The following TRAF3IP3 variants were observed in gnomAD, a reference collection of about 807,000 sequenced individuals.
The protein encoded by TRAF3IP3 is TRAF3 interacting protein 3.
Under a neutral mutation model 86.5 loss-of-function variants are expected in TRAF3IP3, and 64 were observed. The ratio of observed to expected loss-of-function variants is 0.74; its 90% confidence interval spans 0.60 to 0.91. The LOEUF (loss-of-function observed/expected upper bound fraction) is 0.91, where lower values mean the gene tolerates loss of function less well. Ranked by LOEUF, TRAF3IP3 falls within the 40% of genes least tolerant of loss-of-function variation. The pLI is 0.00. For synonymous variants in TRAF3IP3, 220 were observed against 243.9 expected, an observed-to-expected ratio of 0.90 and a Z score of 0.91; for missense variants, 579 against 642.9, an observed-to-expected ratio of 0.90 and a Z score of 1.07.
intron 3 of TRAF3IP3, 142 bp downstream of exon 3, chr1:209,760,526 T>C: frequency 1.4e-6 from 1 of 718,000 alleles, no homozygotes. Flanking sequence ...CAAGAGCTAC[T>C]TATAGTAAAG....
At chr1:209,770,780 GGT>G (rs200090853) in intron 8 of TRAF3IP3, among the ~76,000 whole-genome samples, 22,883 of 111,208 alleles carry the variant, frequency 0.21, 3,747 homozygotes, top group East Asian at 0.41. Context: ...TGCCTATGGA[GGT>G]GTGTGTGTGT....
intron 8 of TRAF3IP3, among the ~76,000 whole-genome samples, chr1:209,767,995 C>T (rs2077389922): frequency 6.6e-6 from 1 of 152,098 alleles, no homozygotes; most frequent in Admixed American, 6.5e-5. Context: ...CCCCACCAAC[C>T]CCCTAGCTTC....
chr1:209,781,559 G>A, intron 16 of TRAF3IP3, 101 bp downstream of exon 16: 1 of 805,246 alleles, frequency 1.2e-6, no homozygotes, highest in Non-Finnish European at 2.1e-6. Flanking sequence ...CCAACAACTG[G>A]CCATCCTGTC....
At chr1:209,770,443 G>A (rs142471182) in intron 8 of TRAF3IP3, among the ~76,000 whole-genome samples, 134 of 144,890 alleles carry the variant, frequency 9.2e-4, no homozygotes, top group African/African-American at 3.4e-3. Flanking sequence ...GTGTGTGCAG[G>A]TGGAGGTATG....
At chr1:209,770,223 C>A (rs1190019937) in intron 8 of TRAF3IP3, among the ~76,000 whole-genome samples, 1 of 152,226 alleles carries the variant, frequency 6.6e-6, no homozygotes, top group Non-Finnish European at 1.5e-5. Flanking sequence ...CCCCTGCCGC[C>A]CTCACTCTGC....
intron 11 of TRAF3IP3, 130 bp downstream of exon 11, chr1:209,775,866 C>A: frequency 1.2e-6 from 1 of 807,050 alleles, no homozygotes; most frequent in Non-Finnish European, 1.9e-6. Flanking sequence ...TCAGTCACCA[C>A]TACTTTGTAC....
At position 209,760,256 on chromosome 1, in the gene TRAF3IP3, C is replaced by T; in HGVS notation, c.217C>T (p.Leu73=). 6.2e-7 allele frequency: 1 copy of T among 1,614,232 alleles called. No individual in the cohort carries two copies. Among genetic ancestry groups the T allele is most frequent in the Non-Finnish European group, 8.5e-7 (1 of 1,180,050 alleles). The change falls in exon 3 of 17, where the codon CTA becomes TTA. Residue 73 remains leucine, a synonymous_variant. Coordinates refer to ENST00000367025, the MANE Select transcript of TRAF3IP3 (RefSeq NM_025228.4). ...GTTCTTCAGGAGGAGGAACCTGGAG[C>T]TAGAGGAGAAGGGCAAAGCGCAGCA... ...QQFFRRRNLE[L]EEKGKAQHPQ... is the part of the protein sequence containing the mutation.
rs548383022 is a variant in TRAF3IP3 at position 209,769,561 on chromosome 1, G to A, written c.703-3387G>A. 2.6e-5 allele frequency among the ~76,000 whole-genome samples: 4 copies of A among 152,358 alleles called. No individual in the cohort carries two copies. In the South Asian group the frequency reaches 8.3e-4, roughly 32 times the overall value. The stretch of plus-strand genomic sequence containing the variant: ...CTGAGTAACACAGGAAGCTGAAAGG[G>A]TGGGGGCACCCCCTGGCTCCCATGG... On this transcript the variant is annotated intron_variant, in intron 8 of 16. Coordinates refer to ENST00000367025, the MANE Select transcript of TRAF3IP3 (RefSeq NM_025228.4).
At position 209,781,271 on chromosome 1, in the gene TRAF3IP3, A is replaced by G. The variant is rs1418387778; in HGVS notation, c.1450-74A>G. ...AAATTCCAAATGAGTGAAACTTACA[A>G]AGGGCAGTCTCCCCTGCCTGGGCTC... On this transcript the variant is annotated intron_variant, in intron 15 of 16. Coordinates refer to ENST00000367025, the MANE Select transcript of TRAF3IP3 (RefSeq NM_025228.4). The G allele has an allele frequency of 3.1e-6, 3 of 957,932 alleles. No individual in the cohort carries two copies. The African/African-American group carries it at 4.9e-5, about 16-fold the overall frequency. The allele number at this position is 957,932 out of a possible 1,614,324, so 59.3% of individuals were successfully genotyped here.
chr1:209,769,246 G>A (rs999267505), intron 8 of TRAF3IP3, among the ~76,000 whole-genome samples: 6 of 37,406 alleles, frequency 1.6e-4, no homozygotes, highest in African/African-American at 5.0e-4. Context: ...GTGTGGAACC[G>A]AAGATGTGAA....
chr1:209,781,687 T>C, intron 16 of TRAF3IP3: 2 of 499,332 alleles, frequency 4.0e-6, no homozygotes, highest in Admixed American at 3.5e-5. Flanking sequence ...AGACTTACTC[T>C]TAGCTAAAGT....
intron 3 of TRAF3IP3, 34 bp from the exon 4 acceptor site, chr1:209,762,481 C>A: frequency 6.9e-7 from 1 of 1,438,868 alleles, no homozygotes; most frequent in Non-Finnish European, 9.2e-7. Flanking sequence ...AGGCTCCAGG[C>A]AGTGGTTTTC....
chr1:209,781,596 G>A lies in TRAF3IP3; in HGVS notation c.1563+138G>A, dbSNP rs2077781817. The A allele has an allele frequency of 8.7e-6, 5 of 572,516 alleles. No individual in the cohort carries two copies. The African/African-American group carries it at 9.4e-5, about 11-fold the overall frequency. 35.5% of individuals were successfully genotyped at this position (572,516 alleles called of 1,614,324 possible). A position where few individuals can be genotyped will look rare whatever the true frequency, so the allele number is the denominator to read the frequency against. ...CACTGTGCTTGGTTTATACTATACT[G>A]ACATTATGGCAACCATTGAAAAAAA... On this transcript the variant is annotated intron_variant, in intron 16 of 16. Coordinates refer to ENST00000367025, the MANE Select transcript of TRAF3IP3 (RefSeq NM_025228.4).
chr1:209,774,337 C>T (rs890533192), intron 9 of TRAF3IP3, among the ~76,000 whole-genome samples: 3 of 152,146 alleles, frequency 2.0e-5, no homozygotes, highest in Non-Finnish European at 4.4e-5. Context: ...TATGCTCCCT[C>T]CCTGAAGGAG....
chr1:209,781,585 T>G, intron 16 of TRAF3IP3, 127 bp downstream of exon 16: 1 of 631,754 alleles, frequency 1.6e-6, no homozygotes, highest in East Asian at 2.9e-5. Flanking sequence ...GTGCTTGGTT[T>G]ATACTATACT....
Position 209,775,462 on chromosome 1 carries a change from T to C in TRAF3IP3, c.888T>C (p.Asn296=), listed in dbSNP as rs1477581198. 1.2e-6 allele frequency: 2 copies of C among 1,614,058 alleles called. No homozygotes were observed. Among genetic ancestry groups the C allele is most frequent in the Admixed American group, 1.7e-5 (1 of 60,004 alleles). ...SLQKVLEEKM[N]AEQQLQSTQR... is the part of the protein sequence containing the mutation. ...AGAAAGTGCTGGAGGAGAAAATGAA[T>C]GCAGAGCAGCAACTACAGAGCACAC... The change falls in exon 10 of 17, where the codon AAT becomes AAC. Residue 296 remains asparagine, a synonymous_variant. Coordinates refer to ENST00000367025, the MANE Select transcript of TRAF3IP3 (RefSeq NM_025228.4).
At position 209,763,531 on chromosome 1, in the gene TRAF3IP3, G is replaced by A. The variant is rs1029778459; in HGVS notation, c.646G>A (p.Val216Met). The A allele has an allele frequency of 1.2e-6, 2 of 1,614,200 alleles. No homozygotes were observed. Among genetic ancestry groups the A allele is most frequent in the Non-Finnish European group, 8.5e-7 (1 of 1,180,038 alleles). ...QRELVLKQKM[V>M]ILQDLLSTLI... ...GGAGCTGGTCCTAAAACAGAAAATG[G>A]TGATTCTCCAAGACCTACTGTCCAC... Residue 216 changes from valine (V) to methionine (M), a missense_variant, in exon 8 of 17, where the codon GTG becomes ATG. Physicochemically the swap from Val to Met is conservative, Grantham distance 21. Transcript: ENST00000367025.
chr1:209,781,550 C>G, intron 16 of TRAF3IP3, 92 bp downstream of exon 16: 1 of 862,420 alleles, frequency 1.2e-6, no homozygotes. Flanking sequence ...CAGCCCACGC[C>G]AACAACTGGC....
intron 8 of TRAF3IP3, chr1:209,768,288 C>T: frequency 2.1e-5 from 21 of 985,490 alleles, no homozygotes; most frequent in Non-Finnish European, 2.5e-5. Flanking sequence ...GCTCCCTCCG[C>T]TGGCTTCACC....
Sources: gnomAD v4.1 joint callset for allele counts (sites outside exome capture counted in the v4.1 genomes callset) on GRCh38, gnomAD v4.1.1 for gene constraint, MANE v1.5 for transcripts, NCBI Gene and HGNC (gene_info 2026-07-23, HGNC 2026-07-21) for gene names.